The following FBN1 variants were observed in gnomAD, a reference collection of about 807,000 sequenced individuals.
FBN1 encodes fibrillin 1, also known as fibrillin-1.
A neutral mutation model predicts 365.1 loss-of-function variants in FBN1; 29 were observed. The ratio of observed to expected loss-of-function variants is 0.08; its 90% CI spans 0.06 to 0.11. The LOEUF (loss-of-function observed/expected upper bound fraction) is 0.11. Ranked by LOEUF, FBN1 falls within the 10% of genes least tolerant of loss-of-function variation. The pLI, the probability that FBN1 is intolerant of heterozygous loss-of-function variation, is 1.00. For synonymous variants in FBN1, 1,210 were observed against 1,270.5 expected (o/e 0.95, Z 1.01); for missense variants, 2,476 against 3,703.2 (o/e 0.67, Z 8.60).
Position 48,537,612 on chromosome 15 carries a change from T to G in FBN1, c.735A>C (p.Gln245His). The change falls in exon 7 of 66, where the codon CAA becomes CAC. Residue 245 changes from glutamine (Q) to histidine (H), a missense_variant and splice_region_variant. Around this residue, in one of 5 missense-constraint regions of FBN1, gnomAD observed 421 missense variants for 520.1 expected, o/e 0.81. Transcript: ENST00000316623. Reference protein sequence around the residue: ...FIPNIRTGACQDVDECQAIPG... With the variant: ...FIPNIRTGACHDVDECQAIPG... ...ATAATTCCATCAGCCCGGGTTTACC[T>G]TGACAAGCTCCCGTGCGGATATTTG... 6.2e-7 allele frequency: 1 copy of G among 1,614,204 alleles called. No homozygotes were observed. The highest frequency in any genetic ancestry group is 1.3e-5 in the African/African-American group (1 of 75,068).
At chr15:48,502,300 C>A (rs1012501966) in intron 17 of FBN1, among the ~76,000 whole-genome samples, 3 of 152,226 alleles carry the variant, frequency 2.0e-5, no homozygotes, top group African/African-American at 7.2e-5. Flanking sequence ...CCTGCCTTGG[C>A]CTCCCATAGT....
At chr15:48,428,606 C>T (rs903115376) in intron 56 of FBN1, 135 bp from the exon 57 acceptor site, 5 of 907,666 alleles carry the variant, frequency 5.5e-6, no homozygotes, top group Non-Finnish European at 8.9e-6. Context: ...TTTCCTTCCT[C>T]CCTTCCCTCC....
At chr15:48,621,160 C>T (rs11854368) in intron 2 of FBN1, among the ~76,000 whole-genome samples, 14,820 of 152,156 alleles carry the variant, frequency 0.097, 950 homozygotes, top group Non-Finnish European at 0.14. Context: ...CTTGTGCTTC[C>T]GACTTTCAAA....
At chr15:48,490,100 G>A in intron 24 of FBN1, 22 bp from the exon 25 acceptor site, 1 of 1,608,536 alleles carries the variant, frequency 6.2e-7, no homozygotes, top group Non-Finnish European at 8.5e-7. Flanking sequence ...AATCAAGGGA[G>A]GTTAAATAGA....
At chr15:48,419,990 G>A (rs1263692823) in intron 63 of FBN1, among the ~76,000 whole-genome samples, 1 of 152,188 alleles carries the variant, frequency 6.6e-6, no homozygotes, top group Non-Finnish European at 1.5e-5. Context: ...TCCCTTTCTG[G>A]ACTTCTAGGT....
At position 48,481,800 on chromosome 15, in the gene FBN1, T is replaced by C. The variant is rs891189448; in HGVS notation, c.3839-20A>G. 2 of 1,593,456 alleles carry C rather than the reference T, an allele frequency of 1.3e-6. No individual in the cohort carries two copies. Among genetic ancestry groups the C allele is most frequent in the Admixed American group, 1.7e-5 (1 of 59,980 alleles). ...TGACATCTGTAAAACATATATACTATTAATATATGTAGCTATTTGATATCA... is the reference window on the plus strand; with the variant it reads ...TGACATCTGTAAAACATATATACTACTAATATATGTAGCTATTTGATATCA... On this transcript the variant is annotated intron_variant, in intron 31 of 65. Coordinates refer to ENST00000316623, the MANE Select transcript of FBN1 (RefSeq NM_000138.5).
At chr15:48,541,063 T>A (rs1416017995) in intron 6 of FBN1, among the ~76,000 whole-genome samples, 1 of 152,024 alleles carries the variant, frequency 6.6e-6, no homozygotes, top group African/African-American at 2.4e-5. Context: ...TGTCTGCCAC[T>A]GATTCATAAC....
intron 43 of FBN1, 81 bp from the exon 44 acceptor site, chr15:48,456,843 C>CGTAT (rs1555396454): frequency 5.4e-6 from 4 of 744,620 alleles, no homozygotes; most frequent in Non-Finnish European, 6.8e-6. Flanking sequence ...AAAGTGCGTG[C>CGTAT]GTGTGTGTGT....
chr15:48,638,791 C>G (rs1303261565), intron 2 of FBN1, among the ~76,000 whole-genome samples: 1 of 152,176 alleles, frequency 6.6e-6, no homozygotes. Flanking sequence ...TCTTGCAACC[C>G]TATTCAGAGA....
intron 34 of FBN1, among the ~76,000 whole-genome samples, chr15:48,473,442 CTG>C (rs1363905835): frequency 6.6e-6 from 1 of 152,118 alleles, no homozygotes. Context: ...AAAGTGCTGT[CTG>C]TAAATATATG....
At chr15:48,474,742 A>G in intron 32 of FBN1, 92 bp from the exon 33 acceptor site, 3 of 1,536,802 alleles carry the variant, frequency 2.0e-6, no homozygotes, top group Non-Finnish European at 2.7e-6. Flanking sequence ...ACTTGCCTTC[A>G]AACTTCCCAT....
chr15:48,503,056 T>G (rs2043675053), intron 17 of FBN1, among the ~76,000 whole-genome samples: 1 of 151,694 alleles, frequency 6.6e-6, no homozygotes, highest in African/African-American at 2.4e-5. Flanking sequence ...TCCCAGCACT[T>G]TGGGAGGCCG....
At chr15:48,627,089 TTTAGA>T (rs1296609286) in intron 2 of FBN1, among the ~76,000 whole-genome samples, 1 of 152,204 alleles carries the variant, frequency 6.6e-6, no homozygotes, top group South Asian at 2.1e-4. Context: ...GTTAAAGATT[TTTAGA>T]TTAGAGATTA....
Position 48,463,116 on chromosome 15 carries a change from G to A in FBN1, c.5190C>T (p.Asn1730=), listed in dbSNP as rs765997414. 5.0e-6 allele frequency: 8 copies of A among 1,614,130 alleles called. No individual in the cohort carries two copies. The South Asian group carries it at 5.5e-5, about 11-fold the overall frequency. Residue 1730 remains asparagine, a synonymous_variant, in exon 42 of 66, where the codon AAC becomes AAT. Transcript: ENST00000316623. ...CCSYNIGRAW[N]KPCEQCPIPS... is the part of the protein sequence containing the mutation. ...GGATGGGACACTGTTCACAGGGCTT[G>A]TTCCACGCCCGGCCAATGTTGTAGG...
At chr15:48,521,172 A>G (rs1190492582) in intron 9 of FBN1, among the ~76,000 whole-genome samples, 9 of 152,252 alleles carry the variant, frequency 5.9e-5, no homozygotes, top group Non-Finnish European at 1.0e-4. Flanking sequence ...TGCTGAAGAG[A>G]GACTGGGTTG....
In FBN1 at chr15:48,412,559, T is replaced by G; in HGVS notation, c.8226+10A>C. On this transcript the variant is annotated intron_variant, in intron 65 of 65. Transcript: ENST00000316623. The stretch of plus-strand genomic sequence containing the variant: ...CAGGAGACATCAGGAGAAACTAACT[T>G]CTGACCCACCTCGATATTGGAGGCA... 6.2e-7 allele frequency: 1 copy of G among 1,613,776 alleles called. No homozygotes were observed. The highest frequency in any genetic ancestry group is 8.5e-7 in the Non-Finnish European group (1 of 1,179,780).
intron 22 of FBN1, 42 bp downstream of exon 22, chr15:48,495,081 C>T: frequency 6.2e-7 from 1 of 1,613,176 alleles, no homozygotes; most frequent in South Asian, 1.1e-5. Flanking sequence ...TATGCAAAGA[C>T]CATTGGAGTG....
chr15:48,615,339 G>A (rs1366595934), intron 2 of FBN1, among the ~76,000 whole-genome samples: 1 of 151,776 alleles, frequency 6.6e-6, no homozygotes. Context: ...CAGTCATAGT[G>A]TCTGACAAAA....
At chr15:48,465,119 T>C (rs1246463123) in intron 40 of FBN1, among the ~76,000 whole-genome samples, 1 of 152,170 alleles carries the variant, frequency 6.6e-6, no homozygotes, top group African/African-American at 2.4e-5. Flanking sequence ...CCACCACTCA[T>C]AGCATAAAGC....
Sources: allele counts gnomAD v4.1 joint callset (sites outside exome capture counted in the v4.1 genomes callset), GRCh38; gene constraint gnomAD v4.1.1; regional missense constraint gnomAD v4.1.1; transcripts MANE v1.5; gene names NCBI Gene and HGNC (gene_info 2026-07-23, HGNC 2026-07-21).